Variants in FAM135B observed in about 807,000 individuals in gnomAD.
FAM135B encodes the protein protein FAM135B.
In FAM135B, 43 loss-of-function variants were observed where a neutral mutation model predicts 127.7. The observed-to-expected ratio is 0.34, with a 90% confidence interval of 0.26 to 0.43. The LOEUF is 0.43. Ranked by LOEUF, FAM135B falls within the 20% of genes least tolerant of loss-of-function variation. The pLI is 1.00. For synonymous variants in FAM135B, 670 were observed against 665.1 expected, an observed-to-expected ratio of 1.01 and a Z score of -0.11; for missense variants, 1,558 against 1,725.6, an observed-to-expected ratio of 0.90 and a Z score of 1.72.
intron 1 of FAM135B, among the ~76,000 whole-genome samples, chr8:138,445,331 C>T (rs559743218): frequency 6.6e-6 from 1 of 152,166 alleles, no homozygotes; most frequent in South Asian, 2.1e-4. Context: ...GATACCAAAG[C>T]CTGGCAGAGA....
intron 1 of FAM135B, among the ~76,000 whole-genome samples, chr8:138,390,410 A>G (rs1403820292): frequency 4.6e-5 from 7 of 152,044 alleles, no homozygotes; most frequent in Non-Finnish European, 8.8e-5. Flanking sequence ...GTCATGTAAG[A>G]TGTGCCTTTT....
At chr8:138,248,270 G>T (rs781381204) in intron 6 of FAM135B, among the ~76,000 whole-genome samples, 4 of 152,144 alleles carry the variant, frequency 2.6e-5, no homozygotes, top group Non-Finnish European at 5.9e-5. Context: ...CCCTACACTG[G>T]GTTCCCACAT....
intron 1 of FAM135B, among the ~76,000 whole-genome samples, chr8:138,396,148 G>A (rs554431329): frequency 1.3e-5 from 2 of 152,192 alleles, no homozygotes; most frequent in Admixed American, 6.5e-5. Context: ...GAAGACCAGC[G>A]CTTCCCCTTA....
chr8:138,480,903 T>C (rs757600886), intron 1 of FAM135B, among the ~76,000 whole-genome samples: 3 of 152,244 alleles, frequency 2.0e-5, no homozygotes, highest in Non-Finnish European at 4.4e-5. Flanking sequence ...AGAATCTTCA[T>C]TTGTGAAAAG....
chr8:138,185,991 G>A (rs1164057182), intron 9 of FAM135B, among the ~76,000 whole-genome samples: 1 of 152,098 alleles, frequency 6.6e-6, no homozygotes, highest in African/African-American at 2.4e-5. Context: ...AAGTACCCAC[G>A]CTGCTTCAGT....
chr8:138,307,365 C>G (rs1826341913), intron 3 of FAM135B, among the ~76,000 whole-genome samples: 1 of 152,136 alleles, frequency 6.6e-6, no homozygotes, highest in Non-Finnish European at 1.5e-5. Context: ...TCTAATTAAA[C>G]CTTTTATTAT....
At chr8:138,453,537 C>A (rs1401603) in intron 1 of FAM135B, among the ~76,000 whole-genome samples, 1 of 152,100 alleles carries the variant, frequency 6.6e-6, no homozygotes, top group African/African-American at 2.4e-5. Context: ...AAGAAGCTTT[C>A]TCTTGCAGTT....
chr8:138,206,529 C>G lies in FAM135B; in HGVS notation c.670-8860G>C, dbSNP rs911341199. On this transcript the variant is annotated intron_variant, in intron 7 of 19. Transcript: ENST00000395297. ...CCTACCCACAGCTCTATCATCCCCTCCATCTACACACAACTCCAGCATCCC... is the reference window on the plus strand; with the variant it reads ...CCTACCCACAGCTCTATCATCCCCTGCATCTACACACAACTCCAGCATCCC... Among the ~76,000 whole-genome samples, 21 of 151,820 alleles carry G rather than the reference C, an allele frequency of 1.4e-4. No individual in the cohort carries two copies. In the East Asian group the frequency reaches 2.6e-3, roughly 19 times the overall value.
chr8:138,254,822 G>C (rs1821954414), intron 5 of FAM135B, among the ~76,000 whole-genome samples: 1 of 152,106 alleles, frequency 6.6e-6, no homozygotes, highest in Admixed American at 6.6e-5. Flanking sequence ...TGCCAGCCCA[G>C]GTACCAGGCA....
chr8:138,225,761 T>TGGGCAGTCTTCCACACCCAGGTGTC (rs1819380834), intron 7 of FAM135B, among the ~76,000 whole-genome samples: 1 of 152,056 alleles, frequency 6.6e-6, no homozygotes, highest in African/African-American at 2.4e-5. Flanking sequence ...AGACAAGGGG[T>TGGGCAGTCTTCCACACCCAGGTGTC]GGGCAGTCTT....
At chr8:138,274,685 G>A (rs970048850) in intron 3 of FAM135B, among the ~76,000 whole-genome samples, 1 of 152,042 alleles carries the variant, frequency 6.6e-6, no homozygotes, top group African/African-American at 2.4e-5. Context: ...CCACGCCCAG[G>A]GGAGCCAGTT....
intron 1 of FAM135B, among the ~76,000 whole-genome samples, chr8:138,445,614 TA>T (rs1836101403): frequency 6.6e-6 from 1 of 152,320 alleles, no homozygotes; most frequent in East Asian, 1.9e-4. Flanking sequence ...CCCTTCATGC[TA>T]AAAACTCTCA....
At chr8:138,251,098 A>T (rs1172226121) in intron 5 of FAM135B, 84 bp from the exon 6 acceptor site, 3 of 1,494,368 alleles carry the variant, frequency 2.0e-6, no homozygotes, top group African/African-American at 1.4e-5. Flanking sequence ...AAGCCTCTCC[A>T]TGGGCCAAGC....
In FAM135B at chr8:138,153,164, T is replaced by G; in HGVS notation, c.1311A>C (p.Thr437=). The change falls in exon 13 of 20, where the codon ACA becomes ACC. Residue 437 remains threonine (T), a synonymous_variant. Coordinates refer to ENST00000395297, the MANE Select transcript of FAM135B (RefSeq NM_015912.4). The part of the protein sequence containing the change: ...PNFDVPVTSP[T]IMNLKDKEDN... ...CTTCCTTGTCTTTCAGATTCATTATTGTAGGACTTGTCACTGGAACATCAA... is the reference window on the plus strand; with the variant it reads ...CTTCCTTGTCTTTCAGATTCATTATGGTAGGACTTGTCACTGGAACATCAA... 1 of 1,605,586 alleles carries G rather than the reference T, an allele frequency of 6.2e-7. No individual in the cohort carries two copies. The highest frequency in any genetic ancestry group is 1.1e-5 in the South Asian group (1 of 90,032).
Position 138,243,203 on chromosome 8 carries a change from T to C in FAM135B, c.543-135A>G, listed in dbSNP as rs375568745. On this transcript the variant is annotated intron_variant, in intron 6 of 19. Transcript: ENST00000395297. The surrounding 1 kb of genome is among the most constrained non-coding windows in gnomAD (Gnocchi z 7.5). The stretch of plus-strand genomic sequence containing the variant: ...TAGGAGTAGTTCACCCCCTAGGGAG[T>C]GTTTGCATGTGACATTTGTGGATAT... The C allele has an allele frequency of 4.1e-6, 4 of 968,548 alleles. No individual in the cohort carries two copies. Among genetic ancestry groups the C allele is most frequent in the South Asian group, 4.0e-5 (2 of 49,646 alleles). The allele number at this position is 968,548 out of a possible 1,614,324, so 60.0% of individuals were successfully genotyped here.
At chr8:138,470,559 G>A (rs904753670) in intron 1 of FAM135B, among the ~76,000 whole-genome samples, 11 of 152,070 alleles carry the variant, frequency 7.2e-5, no homozygotes, top group Non-Finnish European at 1.5e-4. Flanking sequence ...ATTTCTATTC[G>A]TTGTGTAATT....
intron 1 of FAM135B, among the ~76,000 whole-genome samples, chr8:138,406,385 G>A (rs1833493296): frequency 6.6e-6 from 1 of 152,002 alleles, no homozygotes; most frequent in Admixed American, 6.5e-5. Context: ...TAGAAAAAGA[G>A]GGAATCCTCC....
At chr8:138,327,232 A>G (rs1029734617) in intron 2 of FAM135B, among the ~76,000 whole-genome samples, 4 of 152,322 alleles carry the variant, frequency 2.6e-5, no homozygotes, top group Non-Finnish European at 5.9e-5. Context: ...TTGCAAGTCA[A>G]CCGTGTGTCA....
intron 12 of FAM135B, among the ~76,000 whole-genome samples, chr8:138,154,005 C>A (rs902772140): frequency 1.3e-5 from 2 of 152,212 alleles, no homozygotes; most frequent in East Asian, 1.9e-4. Flanking sequence ...GGGTCCCTGA[C>A]CCCCGAGTAG....
Sources: gnomAD v4.1 joint callset for allele counts (sites outside exome capture counted in the v4.1 genomes callset) on GRCh38, gnomAD v4.1.1 for gene constraint, Gnocchi (gnomAD v3.1) non-coding constraint, MANE v1.5 for transcripts, NCBI Gene and HGNC (gene_info 2026-07-23, HGNC 2026-07-21) for gene names.